Variants in PIK3CG observed in about 807,000 individuals in gnomAD.
PIK3CG encodes the protein phosphatidylinositol-4,5-bisphosphate 3-kinase catalytic subunit gamma.
A neutral mutation model predicts 102.3 loss-of-function variants in PIK3CG; 55 were observed. That is an observed-to-expected ratio of 0.54 (90% CI 0.43 to 0.67). The LOEUF (loss-of-function observed/expected upper bound fraction) is 0.67. Among genes scored for constraint, PIK3CG ranks in the 30% least tolerant of loss-of-function variants. The pLI is 0.00. For missense variants in PIK3CG, 1,258 were observed against 1,391.8 expected (o/e 0.90, Z 1.53); for synonymous variants, 552 against 540.0 (o/e 1.02, Z -0.31).
Position 106,903,344 on chromosome 7 carries a change from A to G in PIK3CG, c.3031-1765A>G, listed in dbSNP as rs1791606845. ...GTTTAAACACCCAATAAGAATTTGT[A>G]TTGAAATTTTATGTTTATAGATTAA... is the stretch of plus-strand genomic sequence containing the variant. On this transcript the variant is annotated intron_variant, in intron 10 of 10. Coordinates refer to ENST00000496166, the MANE Select transcript of PIK3CG (RefSeq NM_001282426.2). The surrounding 1 kb of genome is among the most constrained non-coding windows in gnomAD (Gnocchi z 4.3). Among the ~76,000 whole-genome samples the G allele has an allele frequency of 1.3e-5, 2 of 152,128 alleles. No individual in the cohort carries two copies. Among genetic ancestry groups the G allele is most frequent in the Non-Finnish European group, 2.9e-5 (2 of 68,012 alleles).
chr7:106,868,111 C>A lies in PIK3CG; in HGVS notation c.550C>A (p.Arg184Ser), dbSNP rs1189118505. Residue 184 changes from arginine to serine, a missense_variant, in exon 2 of 11, where the codon CGC becomes AGC. Physicochemically the swap from Arg to Ser is moderately radical, Grantham distance 110 (BLOSUM62 -1). Around this residue, in one of 2 missense-constraint regions of PIK3CG, gnomAD observed 832 missense variants for 787.5 expected, o/e 1.06. Transcript: ENST00000496166. This position sits in a 1 kb window ranked among gnomAD's most constrained non-coding sequence, Gnocchi z 6.2. Reference sequence around the variant, plus strand: ...CACGCGCCGTGGCTTGGTGACCCCGCGCATGGCGGAGGTGGCCAGCCGCGA... The same window carrying A: ...CACGCGCCGTGGCTTGGTGACCCCGAGCATGGCGGAGGTGGCCAGCCGCGA... ...EFTRRGLVTPRMAEVASRDPK... is the reference protein window; with the variant it reads ...EFTRRGLVTPSMAEVASRDPK... The A allele has an allele frequency of 6.2e-7, 1 of 1,613,086 alleles. No homozygotes were observed. The highest frequency in any genetic ancestry group is 8.5e-7 in the Non-Finnish European group (1 of 1,179,552).
rs572633114 is a variant in PIK3CG at position 106,899,233 on chromosome 7, A to G, written c.3031-5876A>G. ...ATTTTGGATCCTACAACTTTGCTGA[A>G]GTTGTTTATCAGCTGGAGGAGCTTT... is the stretch of plus-strand genomic sequence containing the variant. On this transcript the variant is annotated intron_variant, in intron 10 of 10. Coordinates refer to ENST00000496166, the MANE Select transcript of PIK3CG (RefSeq NM_001282426.2). This position sits in a 1 kb window ranked among gnomAD's most constrained non-coding sequence, Gnocchi z 4.6. Among the ~76,000 whole-genome samples the G allele has an allele frequency of 4.3e-4, 66 of 152,198 alleles. No individual in the cohort carries two copies. Among genetic ancestry groups the G allele is most frequent in the Non-Finnish European group, 8.7e-4 (59 of 68,030 alleles).
rs1004195460 is a variant in PIK3CG, at chr7:106,902,687, T to G, written c.3031-2422T>G. Among the ~76,000 whole-genome samples, 13 of 152,178 alleles carry G rather than the reference T, an allele frequency of 8.5e-5. No individual in the cohort carries two copies. Among genetic ancestry groups the G allele is most frequent in the African/African-American group, 3.1e-4 (13 of 41,442 alleles). ...GTGAATTTTTGTTATGTTTTTGGCC[T>G]GTATTTCTGGCCAATTATCTCTTTC... is the stretch of plus-strand genomic sequence containing the variant. On this transcript the variant is annotated intron_variant, in intron 10 of 10. Transcript: ENST00000496166. The surrounding 1 kb of genome is among the most constrained non-coding windows in gnomAD (Gnocchi z 4.3).
chr7:106,893,885 C>T lies in PIK3CG; in HGVS notation c.3030+7593C>T, dbSNP rs1201408736. On this transcript the variant is annotated intron_variant, in intron 10 of 10. Transcript: ENST00000496166. This position sits in a 1 kb window ranked among gnomAD's most constrained non-coding sequence, Gnocchi z 4.4. Reference sequence around the variant, plus strand: ...AGGCTATATGATATAGCCTATTGCTCCCAGGCTCCAAACCTGTACAGCATG... The same window carrying T: ...AGGCTATATGATATAGCCTATTGCTTCCAGGCTCCAAACCTGTACAGCATG... 6.6e-6 allele frequency among the ~76,000 whole-genome samples: 1 copy of T among 152,134 alleles called. No homozygotes were observed. The highest frequency in any genetic ancestry group is 1.5e-5 in the Non-Finnish European group (1 of 68,030).
At position 106,873,241 on chromosome 7, in the gene PIK3CG, A is replaced by G. The variant is rs551888907; in HGVS notation, c.2287+303A>G. On this transcript the variant is annotated intron_variant, in intron 4 of 10. Transcript: ENST00000496166. ...AAAGATTAGATATTTCCAAATCTTT[A>G]CCTTTTTCTTCACATCTCTGAATAT... is the stretch of plus-strand genomic sequence containing the variant. 3.3e-5 allele frequency among the ~76,000 whole-genome samples: 5 copies of G among 152,362 alleles called. No homozygotes were observed. In the South Asian group the frequency reaches 1.0e-3, roughly 32 times the overall value.
Position 106,872,454 on chromosome 7 carries a change from G to A in PIK3CG, c.1996-83G>A. On this transcript the variant is annotated intron_variant, in intron 2 of 10. Transcript: ENST00000496166. This position sits in a 1 kb window ranked among gnomAD's most constrained non-coding sequence, Gnocchi z 5.3. ...AGCCGTGAAGACCCAGTAAAGCAGA[G>A]CACCAGTTCTTCTCCATTTCCTTTT... The A allele has an allele frequency of 9.5e-7, 1 of 1,049,620 alleles. No homozygotes were observed. The highest frequency in any genetic ancestry group is 1.5e-6 in the Non-Finnish European group (1 of 675,788). 65.0% of individuals were successfully genotyped at this position (1,049,620 alleles called of 1,614,324 possible).
At chr7:106,875,320 A>G (rs938530873) in intron 5 of PIK3CG, among the ~76,000 whole-genome samples, 4 of 150,350 alleles carry the variant, frequency 2.7e-5, no homozygotes, top group Non-Finnish European at 4.4e-5. Context: ...AGATCACGCC[A>G]CTACACTCCA....
Position 106,907,148 on chromosome 7 carries a change from C to T in PIK3CG, c.*1761C>T, listed in dbSNP as rs1791704966. 1 of 179,016 alleles carries T rather than the reference C, an allele frequency of 5.6e-6. No homozygotes were observed. The allele number at this position is 179,016 out of a possible 1,614,324, so 11.1% of individuals were successfully genotyped here. ...AAAAATAAAATAAAAAATAAAAACA[C>T]CCTTGCCTGCGCTCCATTCCCAGGT... On this transcript the variant is annotated 3_prime_UTR_variant, in exon 11 of 11. Transcript: ENST00000496166.
intron 10 of PIK3CG, among the ~76,000 whole-genome samples, chr7:106,896,522 G>T (rs546820623): frequency 6.6e-6 from 1 of 152,306 alleles, no homozygotes; most frequent in African/African-American, 2.4e-5. Flanking sequence ...TAATTACTAA[G>T]AAATGAGAGA....
intron 10 of PIK3CG, among the ~76,000 whole-genome samples, chr7:106,901,370 A>C (rs1791549812): frequency 6.6e-6 from 1 of 152,066 alleles, no homozygotes; most frequent in Non-Finnish European, 1.5e-5. Flanking sequence ...TTGTGATTAA[A>C]TTGTGAAATT....
chr7:106,872,984 C>T lies in PIK3CG; in HGVS notation c.2287+46C>T, dbSNP rs1790591266. On this transcript the variant is annotated intron_variant, in intron 4 of 10. Transcript: ENST00000496166. This position sits in a 1 kb window ranked among gnomAD's most constrained non-coding sequence, Gnocchi z 5.3. Reference sequence around the variant, plus strand: ...GTGTTCTCTTTCCAAATGCCTTCATCTCCAAATGCCATTGTTCCTATAATT... The same window carrying T: ...GTGTTCTCTTTCCAAATGCCTTCATTTCCAAATGCCATTGTTCCTATAATT... The T allele has an allele frequency of 7.8e-7, 1 of 1,276,182 alleles. No individual in the cohort carries two copies. The highest frequency in any genetic ancestry group is 1.1e-6 in the Non-Finnish European group (1 of 875,238). The allele number at this position is 1,276,182 out of a possible 1,614,324, so 79.1% of individuals were successfully genotyped here.
chr7:106,869,562 G>T lies in PIK3CG; in HGVS notation c.1995+6G>T, dbSNP rs1352178305. 3.8e-6 allele frequency: 6 copies of T among 1,584,586 alleles called. No homozygotes were observed. The highest frequency in any genetic ancestry group is 5.2e-6 in the Non-Finnish European group (6 of 1,163,364). On this transcript the variant is annotated splice_donor_region_variant and intron_variant, in intron 2 of 10. Coordinates refer to ENST00000496166, the MANE Select transcript of PIK3CG (RefSeq NM_001282426.2). The surrounding 1 kb of genome is among the most constrained non-coding windows in gnomAD (Gnocchi z 5.3). ...ACCTTCTACAATTGGTCCAGGTAGG[G>T]GATGTTGGTGTTATCAATGGAAGCC...
chr7:106,879,836 T>C lies in PIK3CG; in HGVS notation c.2538+171T>C, dbSNP rs888714821. Among the ~76,000 whole-genome samples the C allele has an allele frequency of 2.0e-5, 3 of 152,224 alleles. No individual in the cohort carries two copies. The highest frequency in any genetic ancestry group is 6.5e-5 in the Admixed American group (1 of 15,280). On this transcript the variant is annotated intron_variant, in intron 6 of 10. Transcript: ENST00000496166. The surrounding 1 kb of genome is among the most constrained non-coding windows in gnomAD (Gnocchi z 4.9). Reference sequence around the variant, plus strand: ...CTTGGGGAATTTGGCTGCAGACTATTAGATATGCAATCTAATGAGCATTAT... The same window carrying C: ...CTTGGGGAATTTGGCTGCAGACTATCAGATATGCAATCTAATGAGCATTAT...
At position 106,867,431 on chromosome 7, in the gene PIK3CG, T is replaced by A. The variant is rs1790323979; in HGVS notation, c.-12-119T>A. The A allele has an allele frequency of 9.1e-6, 8 of 876,908 alleles. No homozygotes were observed. The highest frequency in any genetic ancestry group is 1.4e-5 in the Non-Finnish European group (8 of 564,816). The allele number at this position is 876,908 out of a possible 1,614,324, so 54.3% of individuals were successfully genotyped here. On this transcript the variant is annotated intron_variant, in intron 1 of 10. Coordinates refer to ENST00000496166, the MANE Select transcript of PIK3CG (RefSeq NM_001282426.2). The surrounding 1 kb of genome is among the most constrained non-coding windows in gnomAD (Gnocchi z 5.1). ...AGTGCTTCCAGTTTAAAATACTTGG[T>A]CCCTCTGGGTCCCTGTGCACATGTA...
At position 106,872,893 on chromosome 7, in the gene PIK3CG, G is replaced by A. The variant is rs2116489405; in HGVS notation, c.2242G>A (p.Asp748Asn). 1.2e-6 allele frequency: 2 copies of A among 1,614,172 alleles called. No individual in the cohort carries two copies. Among genetic ancestry groups the A allele is most frequent in the Non-Finnish European group, 1.7e-6 (2 of 1,180,008 alleles). ...CGAGATGTTACAAAAAGTCACCCTT[G>A]ATATTAAATCGCTCTCTGCTGAAAA... Reference protein sequence around the residue: ...VIEMLQKVTLDIKSLSAEKYD... With the variant: ...VIEMLQKVTLNIKSLSAEKYD... The change falls in exon 4 of 11, where the codon GAT becomes AAT. Residue 748 changes from aspartate to asparagine, a missense_variant. This residue lies in a region of PIK3CG where 426 missense variants were observed against 604.2 expected (regional missense o/e 0.71). Transcript: ENST00000496166. This position sits in a 1 kb window ranked among gnomAD's most constrained non-coding sequence, Gnocchi z 5.3.
In PIK3CG at chr7:106,869,931, A is replaced by G. The variant is rs1469849685; in HGVS notation, c.1995+375A>G. Among the ~76,000 whole-genome samples, 2 of 152,192 alleles carry G rather than the reference A, an allele frequency of 1.3e-5. No homozygotes were observed. Among genetic ancestry groups the G allele is most frequent in the African/African-American group, 2.4e-5 (1 of 41,452 alleles). On this transcript the variant is annotated intron_variant, in intron 2 of 10. Transcript: ENST00000496166. This position sits in a 1 kb window ranked among gnomAD's most constrained non-coding sequence, Gnocchi z 5.3. The stretch of plus-strand genomic sequence containing the variant: ...ATCTCATTTAACTCTTCCAATAACT[A>G]TGATGGAGGTCAAATTGACATTTGC...
rs2116488145 is a variant in PIK3CG at position 106,872,831 on chromosome 7, C to A, written c.2180C>A (p.Ala727Asp). ...GCCTATCTGAGGGGCTGTGGCACAG[C>A]CATGCTGCACGACTTTACCCAACAA... ...LEAYLRGCGT[A>D]MLHDFTQQVQ... Residue 727 changes from alanine to aspartate, a missense_variant, in exon 4 of 11, where the codon GCC becomes GAC. Ala to Asp is a moderately radical substitution (Grantham distance 126). Transcript: ENST00000496166. This position sits in a 1 kb window ranked among gnomAD's most constrained non-coding sequence, Gnocchi z 5.3. The A allele has an allele frequency of 6.2e-7, 1 of 1,614,064 alleles. No individual in the cohort carries two copies. The highest frequency in any genetic ancestry group is 1.1e-5 in the South Asian group (1 of 91,082).
At position 106,872,922 on chromosome 7, in the gene PIK3CG, T is replaced by G. The variant is rs753892685; in HGVS notation, c.2271T>G (p.Tyr757Ter). 6.2e-7 allele frequency: 1 copy of G among 1,612,842 alleles called. No homozygotes were observed. The highest frequency in any genetic ancestry group is 2.2e-5 in the East Asian group (1 of 44,876). ...LDIKSLSAEK[Y>*]DVSSQVISQL... Reference sequence around the variant, plus strand: ...TTAAATCGCTCTCTGCTGAAAAGTATGACGTCAGTTCCCAAGGTACGGTGG... The same window carrying G: ...TTAAATCGCTCTCTGCTGAAAAGTAGGACGTCAGTTCCCAAGGTACGGTGG... Residue 757 changes from tyrosine to a stop codon, truncating the protein, a stop_gained, in exon 4 of 11, where the codon TAT (tyrosine) becomes TAG (stop). Transcript: ENST00000496166. LOFTEE classifies it high-confidence loss of function. The surrounding 1 kb of genome is among the most constrained non-coding windows in gnomAD (Gnocchi z 5.3).
rs985897424 is a variant in PIK3CG, at chr7:106,899,144, C to G, written c.3031-5965C>G. Among the ~76,000 whole-genome samples, 1 of 151,952 alleles carries G rather than the reference C, an allele frequency of 6.6e-6. No homozygotes were observed. Among genetic ancestry groups the G allele is most frequent in the African/African-American group, 2.4e-5 (1 of 41,370 alleles). ...TTGTGGCAATTGTGAACGGGATTGC[C>G]TTTCTGATTTGGCTCTTGGTTTGGC... On this transcript the variant is annotated intron_variant, in intron 10 of 10. Coordinates refer to ENST00000496166, the MANE Select transcript of PIK3CG (RefSeq NM_001282426.2). The surrounding 1 kb of genome is among the most constrained non-coding windows in gnomAD (Gnocchi z 4.6).
Sources: allele counts gnomAD v4.1 joint callset (sites outside exome capture counted in the v4.1 genomes callset), GRCh38; gene constraint gnomAD v4.1.1; regional missense constraint gnomAD v4.1.1; non-coding constraint Gnocchi (gnomAD v3.1); transcripts MANE v1.5; gene names NCBI Gene and HGNC (gene_info 2026-07-23, HGNC 2026-07-21).